RRM2: variants seen among roughly 807,000 people sequenced by gnomAD.
RRM2 encodes the protein ribonucleoside-diphosphate reductase subunit M2.
A neutral mutation model predicts 45.9 loss-of-function variants in RRM2; 6 were observed. That is an observed-to-expected ratio of 0.13 (90% CI 0.07 to 0.26). The LOEUF is 0.26. Among genes scored for constraint, RRM2 ranks in the 10% least tolerant of loss-of-function variants. RRM2 has a pLI of 1.00. For synonymous variants in RRM2, 177 were observed against 173.0 expected, an observed-to-expected ratio of 1.02 and a Z score of -0.18; for missense variants, 343 against 489.5, an observed-to-expected ratio of 0.70 and a Z score of 2.82.
chr2:10,166,633 T>C (rs1015098561), intron 3 of RRM2, among the ~76,000 whole-genome samples: 1 of 152,234 alleles, frequency 6.6e-6, no homozygotes, highest in Non-Finnish European at 1.5e-5. Flanking sequence ...CCGTCTGCGA[T>C]GCGTAGCTAG....
intron 3 of RRM2, among the ~76,000 whole-genome samples, chr2:10,168,727 TC>T (rs1280626799): frequency 6.7e-6 from 1 of 149,066 alleles, no homozygotes; most frequent in Non-Finnish European, 1.5e-5. Context: ...CCCTCTCTTT[TC>T]TCCTTTTCTT....
intron 3 of RRM2, among the ~76,000 whole-genome samples, chr2:10,200,208 ACT>A (rs796721511): frequency 7.9e-5 from 12 of 152,290 alleles, no homozygotes; most frequent in Non-Finnish European, 1.6e-4. Context: ...CTTCAAAAAA[ACT>A]CTGTTTCATG....
At chr2:10,154,416 T>TG (rs1319827863) in intron 3 of RRM2, among the ~76,000 whole-genome samples, 1 of 73,630 alleles carries the variant, frequency 1.4e-5, no homozygotes, top group African/African-American at 5.5e-5. Flanking sequence ...GGTGGTTGGG[T>TG]GGGGGGTGGG....
chr2:10,208,453 G>C (rs1017643869), intron 3 of RRM2, among the ~76,000 whole-genome samples: 2 of 152,166 alleles, frequency 1.3e-5, no homozygotes, highest in Admixed American at 6.6e-5. Context: ...CATTTGGATC[G>C]ATGAGCAGAC....
In RRM2 at chr2:10,172,228, G is replaced by A. The variant is rs2125322598; in HGVS notation, n.482+29853G>A. On this transcript the variant is annotated intron_variant and non_coding_transcript_variant, in intron 3 of 3. Coordinates refer to the RRM2 transcript ENST00000381786. The surrounding 1 kb of genome is among the most constrained non-coding windows in gnomAD (Gnocchi z 4.9). ...TTCTCTGCTCTAAGTCATGGGTGCTGAGGCCCACCTGTCTGGCGAGGGTCT... is the reference window on the plus strand; with the variant it reads ...TTCTCTGCTCTAAGTCATGGGTGCTAAGGCCCACCTGTCTGGCGAGGGTCT... Among the ~76,000 whole-genome samples, 1 of 152,250 alleles carries A rather than the reference G, an allele frequency of 6.6e-6. No individual in the cohort carries two copies. The highest frequency in any genetic ancestry group is 1.9e-4 in the East Asian group (1 of 5,168).
At chr2:10,162,894 C>T (rs938874025) in intron 3 of RRM2, among the ~76,000 whole-genome samples, 3 of 152,150 alleles carry the variant, frequency 2.0e-5, no homozygotes, top group Non-Finnish European at 4.4e-5. Context: ...GGGCGGGGAC[C>T]CCCGGGGCAT....
chr2:10,206,300 G>T (rs1205659667), intron 3 of RRM2, among the ~76,000 whole-genome samples: 1 of 150,622 alleles, frequency 6.6e-6, no homozygotes, highest in Non-Finnish European at 1.5e-5. Flanking sequence ...AGAAATTTCA[G>T]TTCTGGGTAT....
chr2:10,203,694 T>C (rs986123872), intron 3 of RRM2, among the ~76,000 whole-genome samples: 1 of 152,080 alleles, frequency 6.6e-6, no homozygotes, highest in African/African-American at 2.4e-5. Context: ...GAGGTTGCAG[T>C]GAGCAGAGAT....
intron 3 of RRM2, among the ~76,000 whole-genome samples, chr2:10,201,862 G>A (rs2125333770): frequency 6.6e-6 from 1 of 152,234 alleles, no homozygotes; most frequent in South Asian, 2.1e-4. Flanking sequence ...TTTCGTATTT[G>A]ACAATATTTT....
chr2:10,133,460 T>C (rs1327237077), downstream of RRM2, among the ~76,000 whole-genome samples: 3 of 152,198 alleles, frequency 2.0e-5, no homozygotes, highest in African/African-American at 7.2e-5. Flanking sequence ...TGGCTGTATT[T>C]TGAGGATCAG....
chr2:10,200,457 GGA>G (rs1664531600), intron 3 of RRM2, among the ~76,000 whole-genome samples: 1 of 120,506 alleles, frequency 8.3e-6, no homozygotes, highest in Non-Finnish European at 1.8e-5. Flanking sequence ...AGGCCCACAG[GGA>G]CCGCGCGCGC....
At chr2:10,163,696 C>T (rs2125319775) in intron 3 of RRM2, among the ~76,000 whole-genome samples, 1 of 152,354 alleles carries the variant, frequency 6.6e-6, no homozygotes, top group Non-Finnish European at 1.5e-5. Context: ...GGTTCCCCGG[C>T]TGCCCAGTGG....
downstream of RRM2, among the ~76,000 whole-genome samples, chr2:10,135,504 G>A (rs890206965): frequency 3.9e-5 from 6 of 152,118 alleles, no homozygotes; most frequent in Admixed American, 2.6e-4. Flanking sequence ...AGGGGCATGC[G>A]TGCGGGTGTG....
intron 3 of RRM2, among the ~76,000 whole-genome samples, chr2:10,209,385 C>T (rs773276119): frequency 1.1e-4 from 16 of 152,078 alleles, no homozygotes; most frequent in African/African-American, 3.1e-4. Context: ...AGTACAAAGC[C>T]GGGGGTGCTG....
chr2:10,205,066 A>T lies in RRM2; in HGVS notation n.483-5245A>T, dbSNP rs1171639060. Among the ~76,000 whole-genome samples the T allele has an allele frequency of 6.6e-6, 1 of 152,234 alleles. No homozygotes were observed. The highest frequency in any genetic ancestry group is 6.5e-5 in the Admixed American group (1 of 15,290). The stretch of plus-strand genomic sequence containing the variant: ...TCGAATCCAGCAAACTTTTGTTTTC[A>T]GTGCCCAGCTCCCTAAGCCTTCTTT... On this transcript the variant is annotated intron_variant and non_coding_transcript_variant, in intron 3 of 3. Coordinates refer to the RRM2 transcript ENST00000381786. This position sits in a 1 kb window ranked among gnomAD's most constrained non-coding sequence, Gnocchi z 4.8.
In RRM2 at chr2:10,127,611, A is replaced by T. The variant is rs1662810456; in HGVS notation, c.798+391A>T. Among the ~76,000 whole-genome samples, 1 of 151,952 alleles carries T rather than the reference A, an allele frequency of 6.6e-6. No individual in the cohort carries two copies. The highest frequency in any genetic ancestry group is 6.5e-5 in the Admixed American group (1 of 15,268). ...CGCCTCAGCCTCCCAAGTAGCTGGGATTGTAGGTGCCTGCCACCATGCCCA... is the reference window on the plus strand; with the variant it reads ...CGCCTCAGCCTCCCAAGTAGCTGGGTTTGTAGGTGCCTGCCACCATGCCCA... On this transcript the variant is annotated intron_variant, in intron 7 of 9. Transcript: ENST00000304567. The surrounding 1 kb of genome is among the most constrained non-coding windows in gnomAD (Gnocchi z 4.1).
intron 3 of RRM2, among the ~76,000 whole-genome samples, chr2:10,183,730 G>A (rs1664106262): frequency 6.6e-6 from 1 of 151,892 alleles, no homozygotes. Context: ...CGTCCCTGGA[G>A]GCTGCAGTGA....
intron 5 of RRM2, among the ~76,000 whole-genome samples, chr2:10,125,423 G>C (rs773899023): frequency 1.2e-4 from 18 of 152,272 alleles, no homozygotes; most frequent in Non-Finnish European, 5.9e-5. Context: ...GTCAGCTTTA[G>C]GGTGGCGCGC....
intron 3 of RRM2, among the ~76,000 whole-genome samples, chr2:10,150,773 T>G (rs1663293415): frequency 7.3e-6 from 1 of 137,180 alleles, no homozygotes; most frequent in Non-Finnish European, 1.5e-5. Context: ...TGTGTTGTGT[T>G]TTTTTTTTTT....
Sources: gnomAD v4.1 joint callset for allele counts (sites outside exome capture counted in the v4.1 genomes callset) on GRCh38, gnomAD v4.1.1 for gene constraint, Gnocchi (gnomAD v3.1) non-coding constraint, MANE v1.5 for transcripts, NCBI Gene and HGNC (gene_info 2026-07-23, HGNC 2026-07-21) for gene names.